ATG7: variants seen among roughly 807,000 people sequenced by gnomAD.
ATG7 encodes the protein ubiquitin-like modifier-activating enzyme ATG7.
In ATG7, 70 loss-of-function variants were observed where a neutral mutation model predicts 82.4. The ratio of observed to expected loss-of-function variants is 0.85; its 90% confidence interval spans 0.70 to 1.04. The LOEUF (loss-of-function observed/expected upper bound fraction) is 1.04. Among genes scored for constraint, ATG7 ranks in the 50% least tolerant of loss-of-function variants. The pLI, the probability that ATG7 is intolerant of heterozygous loss-of-function variation, is 0.00. For missense variants in ATG7, 792 were observed against 864.3 expected (o/e 0.92, Z 1.05); for synonymous variants, 287 against 313.0 (o/e 0.92, Z 0.88).
At chr3:11,546,947 C>T (rs2071345647) in intron 20 of ATG7, among the ~76,000 whole-genome samples, 1 of 152,252 alleles carries the variant, frequency 6.6e-6, no homozygotes, top group South Asian at 2.1e-4. Flanking sequence ...TGGGCTCTGC[C>T]TTCTGAACTG....
intron 18 of ATG7, among the ~76,000 whole-genome samples, chr3:11,378,027 ATT>A (rs61176051): frequency 8.6e-5 from 8 of 92,730 alleles, no homozygotes; most frequent in African/African-American, 1.6e-4. Context: ...CCAGTTACCA[ATT>A]TTTTTTTTTT....
In ATG7 at chr3:11,523,599, A is replaced by C. The variant is rs17034589; in HGVS notation, c.2080-31212A>C. 3.9e-3 allele frequency among the ~76,000 whole-genome samples: 587 copies of C among 152,274 alleles called. 3 individuals carry two copies. Among genetic ancestry groups the C allele is most frequent in the African/African-American group, 0.013 (547 of 41,558 alleles). The stretch of plus-strand genomic sequence containing the variant: ...CTTTGGGAGGGCCAGGCTTCACGAA[A>C]ACCTGATTTACGGTGTTGCTCTGGG... On this transcript the variant is annotated intron_variant, in intron 20 of 20. Transcript: ENST00000693202.
At chr3:11,401,175 G>A (rs901173598) in intron 19 of ATG7, among the ~76,000 whole-genome samples, 8 of 152,178 alleles carry the variant, frequency 5.3e-5, no homozygotes, top group African/African-American at 1.9e-4. Flanking sequence ...GTTGGGCCCA[G>A]CTACTTCTGT....
chr3:11,564,785 A>G, the ATG7 span: 3 of 1,538,938 alleles, frequency 1.9e-6, no homozygotes, highest in Non-Finnish European at 2.6e-6. Context: ...ACCCTCCCAG[A>G]CAGAGGCCCA....
intron 20 of ATG7, among the ~76,000 whole-genome samples, chr3:11,432,905 T>C (rs980449602): frequency 1.3e-5 from 2 of 152,158 alleles, no homozygotes; most frequent in Non-Finnish European, 2.9e-5. Context: ...TTATTTATCC[T>C]ATTTGGAACC....
At chr3:11,277,825 A>G (rs1942141385) in intron 1 of ATG7, among the ~76,000 whole-genome samples, 1 of 147,358 alleles carries the variant, frequency 6.8e-6, no homozygotes, top group South Asian at 2.2e-4. Flanking sequence ...CTGCAGGAGA[A>G]CAGGGCATAT....
At position 11,368,701 on chromosome 3, in the gene ATG7, G is replaced by A. The variant is rs143209981; in HGVS notation, c.1875+3967G>A. 4.1e-3 allele frequency among the ~76,000 whole-genome samples: 571 copies of A among 139,110 alleles called. 27 individuals carry two copies. Among genetic ancestry groups the A allele is most frequent in the African/African-American group, 0.015 (536 of 36,770 alleles). The allele number at this position is 139,110 out of a possible 152,430, so 91.3% of individuals were successfully genotyped here. ...TGCAGTGAGCCAGTATCACACTACT[G>A]CATTCCAGCCTGGGTAAGAGAGGGA... is the stretch of plus-strand genomic sequence containing the variant. On this transcript the variant is annotated intron_variant, in intron 18 of 20. Coordinates refer to ENST00000693202, the MANE Select transcript of ATG7 (RefSeq NM_001349232.2).
intron 20 of ATG7, among the ~76,000 whole-genome samples, chr3:11,467,088 C>T (rs142724627): frequency 0.012 from 1,805 of 152,122 alleles, 35 homozygotes; most frequent in African/African-American, 0.041. Context: ...CATGCCATTG[C>T]ACTTCAGCCT....
intron 20 of ATG7, among the ~76,000 whole-genome samples, chr3:11,508,074 A>G (rs1430892142): frequency 1.3e-5 from 2 of 152,228 alleles, no homozygotes; most frequent in African/African-American, 2.4e-5. Flanking sequence ...GCTCATCTCT[A>G]TGGAATTAAA....
At chr3:11,378,427 A>G (rs892486041) in intron 18 of ATG7, among the ~76,000 whole-genome samples, 41 of 151,406 alleles carry the variant, frequency 2.7e-4, no homozygotes, top group African/African-American at 9.9e-4. Context: ...TCACGCCCGT[A>G]ACCCCAGCAC....
At chr3:11,459,183 A>AG in intron 20 of ATG7, among the ~76,000 whole-genome samples, 1 of 151,614 alleles carries the variant, frequency 6.6e-6, no homozygotes, top group South Asian at 2.1e-4. Flanking sequence ...TAAAAAAAAA[A>AG]AAAAAACAGC....
chr3:11,469,541 C>G (rs1222261843), intron 20 of ATG7, among the ~76,000 whole-genome samples: 1 of 152,180 alleles, frequency 6.6e-6, no homozygotes, highest in East Asian at 1.9e-4. Context: ...TGTTCATCTC[C>G]ATACTCTTAA....
At chr3:11,378,451 G>A (rs1387088043) in intron 18 of ATG7, among the ~76,000 whole-genome samples, 1 of 151,244 alleles carries the variant, frequency 6.6e-6, no homozygotes, top group African/African-American at 2.4e-5. Context: ...GGGAGGCTGA[G>A]GCAGGCAGGT....
At chr3:11,512,050 C>T (rs570827252) in intron 20 of ATG7, among the ~76,000 whole-genome samples, 43 of 152,314 alleles carry the variant, frequency 2.8e-4, no homozygotes, top group Non-Finnish European at 5.9e-4. Context: ...TCCCACAGTG[C>T]AGTGGGGGGC....
chr3:11,556,863 A>G lies in ATG7; in HGVS notation c.*2020A>G, dbSNP rs1402223845. The G allele has an allele frequency of 6.5e-6, 1 of 152,720 alleles. No individual in the cohort carries two copies. 9.5% of individuals were successfully genotyped at this position (152,720 alleles called of 1,614,324 possible). On this transcript the variant is annotated 3_prime_UTR_variant, in exon 21 of 21. Transcript: ENST00000693202. Reference sequence around the variant, plus strand: ...GGAAGCCCAGTACAGTGGGAGTGAAATGTGTGCGGGGCAAGGAGAAGGGCT... The same window carrying G: ...GGAAGCCCAGTACAGTGGGAGTGAAGTGTGTGCGGGGCAAGGAGAAGGGCT...
intron 20 of ATG7, among the ~76,000 whole-genome samples, chr3:11,505,247 GTAGGAGTTCTA>G (rs2091628896): frequency 6.6e-6 from 1 of 152,176 alleles, no homozygotes; most frequent in African/African-American, 2.4e-5. Flanking sequence ...TAAAGGACGA[GTAGGAGTTCTA>G]TAGGCCTAGG....
chr3:11,292,170 C>T (rs1159023582), intron 3 of ATG7, among the ~76,000 whole-genome samples: 1 of 151,868 alleles, frequency 6.6e-6, no homozygotes, highest in East Asian at 1.9e-4. Flanking sequence ...TTCAGAGTGG[C>T]GTGAATCTGG....
At chr3:11,322,913 A>G (rs1356098711) in intron 9 of ATG7, among the ~76,000 whole-genome samples, 2 of 152,234 alleles carry the variant, frequency 1.3e-5, no homozygotes, top group Middle Eastern at 6.3e-3. Context: ...AGCATGGGCA[A>G]CATAGCAGGG....
At chr3:11,297,462 T>G (rs892887765) in intron 3 of ATG7, among the ~76,000 whole-genome samples, 2 of 152,152 alleles carry the variant, frequency 1.3e-5, no homozygotes, top group Non-Finnish European at 2.9e-5. Context: ...ACCTTATCAA[T>G]TTGCTTTTTG....
Sources: gnomAD v4.1 joint callset for allele counts (sites outside exome capture counted in the v4.1 genomes callset) on GRCh38, gnomAD v4.1.1 for gene constraint, MANE v1.5 for transcripts, NCBI Gene and HGNC (gene_info 2026-07-23, HGNC 2026-07-21) for gene names.